The following RAPGEF1 variants were observed in gnomAD, a reference collection of about 807,000 sequenced individuals.
The protein encoded by RAPGEF1 is Rap guanine nucleotide exchange factor 1.
Under a neutral mutation model 143.3 loss-of-function variants are expected in RAPGEF1, and 33 were observed. That is an observed-to-expected ratio of 0.23 (90% CI 0.17 to 0.31). The LOEUF is 0.31. Ranked by LOEUF, RAPGEF1 falls within the 10% of genes least tolerant of loss-of-function variation. The probability of loss-of-function intolerance (pLI) is 1.00; values close to 1 mark genes in which losing one functional copy is unlikely to be tolerated. For synonymous variants in RAPGEF1, 629 were observed against 676.5 expected (o/e 0.93, Z 1.09); for missense variants, 1,199 against 1,645.4 (o/e 0.73, Z 4.69).
At chr9:131,649,991 T>C (rs1292969169) in intron 3 of RAPGEF1, 138 bp downstream of exon 3, 1 of 656,864 alleles carries the variant, frequency 1.5e-6, no homozygotes, top group African/African-American at 1.8e-5. Flanking sequence ...GACTCTTTCC[T>C]GAACAATTCA....
At position 131,706,576 on chromosome 9, in the gene RAPGEF1, G is replaced by A. The variant is rs117010528; in HGVS notation, c.61+33194C>T. ...TGAGCCACTGCATCCAGTGTGCCTGGGAATCTTTAATTCCAGTTTGTAAAC... is the reference window on the plus strand; with the variant it reads ...TGAGCCACTGCATCCAGTGTGCCTGAGAATCTTTAATTCCAGTTTGTAAAC... On this transcript the variant is annotated intron_variant, in intron 1 of 26. Transcript: ENST00000683357. Among the ~76,000 whole-genome samples, 471 of 152,136 alleles carry A rather than the reference G, an allele frequency of 3.1e-3. 2 individuals carry two copies. Among genetic ancestry groups the A allele is most frequent in the Admixed American group, 6.9e-3 (105 of 15,286 alleles).
At chr9:131,728,758 A>G (rs1022344117) in intron 1 of RAPGEF1, among the ~76,000 whole-genome samples, 1 of 152,332 alleles carries the variant, frequency 6.6e-6, no homozygotes, top group Non-Finnish European at 1.5e-5. Context: ...CCAGATTACC[A>G]TTTTTAAAGA....
rs370830882 is a variant in RAPGEF1, at chr9:131,626,217, C to T, written c.1407G>A (p.Thr469=). 18 of 1,613,676 alleles carry T rather than the reference C, an allele frequency of 1.1e-5. No individual in the cohort carries two copies. Among genetic ancestry groups the T allele is most frequent in the East Asian group, 2.2e-5 (1 of 44,884 alleles). The part of the protein sequence containing the change: ...GPLAPGQQTD[T]PPALPEKKRR... ...GCTTCTTCTCGGGGAGAGCAGGTGGCGTATCTGTCTGCTGCCCTGGGGCCA... is the reference window on the plus strand; with the variant it reads ...GCTTCTTCTCGGGGAGAGCAGGTGGTGTATCTGTCTGCTGCCCTGGGGCCA... Residue 469 remains threonine, a synonymous_variant, in exon 10 of 27, where the codon ACG becomes ACA. Transcript: ENST00000683357.
At chr9:131,702,215 T>A (rs1217282870) in intron 1 of RAPGEF1, among the ~76,000 whole-genome samples, 1 of 152,232 alleles carries the variant, frequency 6.6e-6, no homozygotes, top group African/African-American at 2.4e-5. Flanking sequence ...TTAACAATGT[T>A]AACAACACTT....
At chr9:131,661,224 G>A (rs1356787135) in intron 1 of RAPGEF1, among the ~76,000 whole-genome samples, 1 of 152,202 alleles carries the variant, frequency 6.6e-6, no homozygotes, top group Non-Finnish European at 1.5e-5. Context: ...AATGCCTGTC[G>A]ACAGCAGGAC....
rs1968581051 is a variant in RAPGEF1 at position 131,643,255 on chromosome 9, G to A, written c.478C>T (p.Pro160Ser). 1.2e-6 allele frequency: 2 copies of A among 1,611,750 alleles called. No individual in the cohort carries two copies. Among genetic ancestry groups the A allele is most frequent in the Admixed American group, 1.7e-5 (1 of 59,840 alleles). ...EAILPLVQND[P>S]RIQHSSALSS... Reference sequence around the variant, plus strand: ...GCCACTCACCTGTGCTGAATTCGAGGATCGTTCTGCACCAGGGGTAAGATG... The same window carrying A: ...GCCACTCACCTGTGCTGAATTCGAGAATCGTTCTGCACCAGGGGTAAGATG... Residue 160 changes from proline (P) to serine (S), a missense_variant, in exon 4 of 27, where the codon CCT (proline) becomes TCT (serine). Pro to Ser is a moderately conservative substitution (Grantham distance 74, BLOSUM62 -1). Coordinates refer to ENST00000683357, the MANE Select transcript of RAPGEF1 (RefSeq NM_001377935.1).
chr9:131,582,235 T>C (rs895099251), intron 25 of RAPGEF1, among the ~76,000 whole-genome samples: 10 of 152,072 alleles, frequency 6.6e-5, no homozygotes, highest in Non-Finnish European at 1.5e-4. Flanking sequence ...ACTGGAATAC[T>C]GTGTGATGCC....
At position 131,649,879 on chromosome 9, in the gene RAPGEF1, C is replaced by A. The variant is rs370004249; in HGVS notation, c.315+250G>T. Among the ~76,000 whole-genome samples, 79 of 152,302 alleles carry A rather than the reference C, an allele frequency of 5.2e-4. No homozygotes were observed. The South Asian group carries it at 0.016, about 30-fold the overall frequency. On this transcript the variant is annotated intron_variant, in intron 3 of 26. Coordinates refer to ENST00000683357, the MANE Select transcript of RAPGEF1 (RefSeq NM_001377935.1). Reference sequence around the variant, plus strand: ...GAACCCGTTGGACCCAAGCAGCACACCCAAACCAACCCCAGAAAGAATCCC... The same window carrying A: ...GAACCCGTTGGACCCAAGCAGCACAACCAAACCAACCCCAGAAAGAATCCC...
intron 1 of RAPGEF1, among the ~76,000 whole-genome samples, chr9:131,720,494 C>T (rs1836186585): frequency 6.6e-6 from 1 of 152,146 alleles, no homozygotes; most frequent in Non-Finnish European, 1.5e-5. Flanking sequence ...CCTACTGAAT[C>T]AGAAACCAGG....
intron 10 of RAPGEF1, among the ~76,000 whole-genome samples, chr9:131,622,471 G>A (rs12375830): frequency 0.24 from 36,813 of 152,112 alleles, 4,982 homozygotes; most frequent in Non-Finnish European, 0.31. Flanking sequence ...ACAAATCAAG[G>A]AAGGCCAGAC....
intron 1 of RAPGEF1, among the ~76,000 whole-genome samples, chr9:131,689,522 C>T (rs1833618996): frequency 6.6e-6 from 1 of 150,934 alleles, no homozygotes; most frequent in African/African-American, 2.4e-5. Context: ...TTTCAAAAAT[C>T]CTTTTCAGTA....
intron 5 of RAPGEF1, 148 bp downstream of exon 5, chr9:131,638,487 G>T: frequency 1.2e-6 from 1 of 865,658 alleles, no homozygotes; most frequent in Non-Finnish European, 1.8e-6. Context: ...AGAGAAGTAA[G>T]TAGTTATGGG....
intron 15 of RAPGEF1, among the ~76,000 whole-genome samples, chr9:131,599,772 C>T (rs546334356): frequency 2.6e-4 from 39 of 152,256 alleles, no homozygotes; most frequent in African/African-American, 9.1e-4. Context: ...TATTCTGGCC[C>T]GTCTTGTGGT....
intron 12 of RAPGEF1, among the ~76,000 whole-genome samples, chr9:131,616,287 A>G (rs1342934181): frequency 6.6e-6 from 1 of 152,074 alleles, no homozygotes; most frequent in Non-Finnish European, 1.5e-5. Context: ...ACAAAAAACC[A>G]AAAGCCATGA....
In RAPGEF1 at chr9:131,577,362, G is replaced by A. The variant is rs1207635708; in HGVS notation, c.*2135C>T. 2 of 152,316 alleles carry A rather than the reference G, an allele frequency of 1.3e-5. No homozygotes were observed. The highest frequency in any genetic ancestry group is 4.8e-5 in the African/African-American group (2 of 41,470). 9.4% of individuals were successfully genotyped at this position (152,316 alleles called of 1,614,324 possible). ...AGGGTCTGTTCTGAATTCAGGGAAG[G>A]TGAAGAGACCCCACCTCTATCCAGC... On this transcript the variant is annotated 3_prime_UTR_variant, in exon 27 of 27. Transcript: ENST00000683357.
At chr9:131,704,913 CAACTA>C (rs1227813907) in intron 1 of RAPGEF1, among the ~76,000 whole-genome samples, 1 of 152,150 alleles carries the variant, frequency 6.6e-6, no homozygotes, top group Non-Finnish European at 1.5e-5. Flanking sequence ...TATGAATCAA[CAACTA>C]AATGTTGATT....
chr9:131,654,872 C>T (rs1429495614), intron 1 of RAPGEF1, among the ~76,000 whole-genome samples: 1 of 152,162 alleles, frequency 6.6e-6, no homozygotes, highest in African/African-American at 2.4e-5. Flanking sequence ...CTTTTAGTAA[C>T]AGCAGAAATA....
intron 22 of RAPGEF1, among the ~76,000 whole-genome samples, chr9:131,585,362 AG>A (rs36097571): frequency 0.28 from 41,361 of 146,302 alleles, 6,687 homozygotes; most frequent in Non-Finnish European, 0.37. Flanking sequence ...AATTTTTTGT[AG>A]GGGGGGGGCG....
At chr9:131,722,754 A>G (rs1463807229) in intron 1 of RAPGEF1, among the ~76,000 whole-genome samples, 1 of 152,152 alleles carries the variant, frequency 6.6e-6, no homozygotes, top group Non-Finnish European at 1.5e-5. Flanking sequence ...TAATCCCAAC[A>G]CTTTGGGAGG....
Sources: allele counts gnomAD v4.1 joint callset (sites outside exome capture counted in the v4.1 genomes callset), GRCh38; gene constraint gnomAD v4.1.1; transcripts MANE v1.5; gene names NCBI Gene and HGNC (gene_info 2026-07-23, HGNC 2026-07-21).